The following LSAMP variants were observed in gnomAD, a reference collection of about 807,000 sequenced individuals.
The protein encoded by LSAMP is limbic system associated membrane protein.
Under a neutral mutation model 38.6 loss-of-function variants are expected in LSAMP, and 7 were observed. The observed-to-expected ratio is 0.18, with a 90% confidence interval of 0.10 to 0.34. LSAMP has a LOEUF of 0.34. Among genes scored for constraint, LSAMP ranks in the 10% least tolerant of loss-of-function variants. The pLI is 1.00. For missense variants in LSAMP, 313 were observed against 420.0 expected (o/e 0.75, Z 2.23); for synonymous variants, 154 against 166.8 (o/e 0.92, Z 0.59).
At chr3:116,006,928 G>A (rs1940176260) in intron 3 of LSAMP, among the ~76,000 whole-genome samples, 1 of 152,104 alleles carries the variant, frequency 6.6e-6, no homozygotes, top group Admixed American at 6.5e-5. Flanking sequence ...CTCATCCCCT[G>A]ATCTGGATCT....
At chr3:116,174,273 G>T (rs1156520685) in intron 1 of LSAMP, among the ~76,000 whole-genome samples, 1 of 151,734 alleles carries the variant, frequency 6.6e-6, no homozygotes, top group Non-Finnish European at 1.5e-5. Flanking sequence ...TTTTATGTGA[G>T]CTGATCCCAA....
At chr3:116,164,729 AAT>A (rs1310052106) in intron 1 of LSAMP, among the ~76,000 whole-genome samples, 1 of 115,360 alleles carries the variant, frequency 8.7e-6, no homozygotes, top group Non-Finnish European at 1.7e-5. Flanking sequence ...ATATAATCCA[AAT>A]ATATATATAT....
At chr3:116,356,966 T>C (rs533624359) in intron 1 of LSAMP, among the ~76,000 whole-genome samples, 2 of 152,132 alleles carry the variant, frequency 1.3e-5, no homozygotes, top group African/African-American at 4.8e-5. Context: ...GCTAATTTTT[T>C]GTATTTTTAG....
At chr3:116,287,657 A>G (rs1177665350) in intron 1 of LSAMP, among the ~76,000 whole-genome samples, 1 of 152,206 alleles carries the variant, frequency 6.6e-6, no homozygotes, top group Non-Finnish European at 1.5e-5. Context: ...ATGAAATGTT[A>G]AAATATTCTC....
At chr3:116,211,516 CTATT>C (rs1242818774) in intron 1 of LSAMP, among the ~76,000 whole-genome samples, 2 of 152,128 alleles carry the variant, frequency 1.3e-5, no homozygotes, top group African/African-American at 4.8e-5. Context: ...AACCAAGACT[CTATT>C]AAGCTAATTG....
intron 1 of LSAMP, among the ~76,000 whole-genome samples, chr3:116,425,232 AC>A (rs1247027237): frequency 2.0e-5 from 3 of 152,154 alleles, no homozygotes; most frequent in Admixed American, 6.5e-5. Flanking sequence ...ATTTTCATTG[AC>A]CCTTCATGTT....
chr3:116,295,411 A>C lies in LSAMP; in HGVS notation c.155+149466T>G, dbSNP rs115051478. ...ACTGGCTGGAACTAATCTATTTAAA[A>C]TTTGCTAGCTATAGGAATTTATTTT... is the stretch of plus-strand genomic sequence containing the variant. On this transcript the variant is annotated intron_variant, in intron 1 of 6. Coordinates refer to ENST00000490035, the MANE Select transcript of LSAMP (RefSeq NM_002338.5). Among the ~76,000 whole-genome samples the C allele has an allele frequency of 3.7e-3, 563 of 152,308 alleles. 5 individuals are homozygous for C. Among genetic ancestry groups the C allele is most frequent in the African/African-American group, 0.013 (546 of 41,566 alleles).
At chr3:116,352,011 T>C (rs1401705376) in intron 1 of LSAMP, among the ~76,000 whole-genome samples, 1 of 152,084 alleles carries the variant, frequency 6.6e-6, no homozygotes, top group African/African-American at 2.4e-5. Flanking sequence ...AGTTAACCCT[T>C]CAAATATTGT....
chr3:116,004,522 G>GTA (rs149186725), intron 3 of LSAMP, among the ~76,000 whole-genome samples: 5,121 of 144,976 alleles, frequency 0.035, 106 homozygotes, highest in Non-Finnish European at 0.045. Flanking sequence ...ATATATATGT[G>GTA]TATATATATA....
chr3:115,939,534 T>TTC (rs573116773), intron 3 of LSAMP, among the ~76,000 whole-genome samples: 15 of 59,044 alleles, frequency 2.5e-4, no homozygotes, highest in East Asian at 9.1e-4. Flanking sequence ...CTCTTTCTCT[T>TTC]TCTTTCTTTC....
At chr3:116,270,877 G>A (rs1361285742) in intron 1 of LSAMP, among the ~76,000 whole-genome samples, 5 of 152,096 alleles carry the variant, frequency 3.3e-5, no homozygotes, top group Admixed American at 2.6e-4. Context: ...GTCAGAAAAT[G>A]CAGTTCAGGC....
chr3:116,046,352 T>C (rs1941287320), intron 2 of LSAMP, among the ~76,000 whole-genome samples: 1 of 151,980 alleles, frequency 6.6e-6, no homozygotes, highest in South Asian at 2.1e-4. Flanking sequence ...AAATATGGAC[T>C]AGGGAAGCTG....
At chr3:116,227,947 C>G (rs1283585065) in intron 1 of LSAMP, among the ~76,000 whole-genome samples, 1 of 151,998 alleles carries the variant, frequency 6.6e-6, no homozygotes. Flanking sequence ...TATACAGGGC[C>G]GTAACTATTT....
chr3:116,252,906 C>T (rs2046703103), intron 1 of LSAMP, among the ~76,000 whole-genome samples: 2 of 152,166 alleles, frequency 1.3e-5, no homozygotes, highest in Non-Finnish European at 2.9e-5. Context: ...GACATAAGTA[C>T]TGATCAACAA....
intron 1 of LSAMP, among the ~76,000 whole-genome samples, chr3:116,150,476 T>A (rs1306944205): frequency 6.6e-6 from 1 of 152,048 alleles, no homozygotes; most frequent in Non-Finnish European, 1.5e-5. Flanking sequence ...TTATAATAAA[T>A]GTCTGCTTCA....
chr3:115,959,244 C>G (rs900262360), intron 3 of LSAMP, among the ~76,000 whole-genome samples: 1 of 152,074 alleles, frequency 6.6e-6, no homozygotes, highest in Non-Finnish European at 1.5e-5. Flanking sequence ...TTGTGAGACA[C>G]AGCAGTATCA....
intron 2 of LSAMP, among the ~76,000 whole-genome samples, chr3:116,071,784 G>T (rs1707611546): frequency 6.6e-6 from 1 of 151,988 alleles, no homozygotes; most frequent in Non-Finnish European, 1.5e-5. Context: ...AGTGTGTGTT[G>T]TTCCCCCTCA....
intron 3 of LSAMP, among the ~76,000 whole-genome samples, chr3:115,942,078 AAAAG>A (rs1461725052): frequency 1.3e-5 from 2 of 152,128 alleles, no homozygotes; most frequent in East Asian, 3.8e-4. Flanking sequence ...AAATTTTACT[AAAAG>A]AAATATATTA....
chr3:115,939,376 G>A (rs1331773180), intron 3 of LSAMP, among the ~76,000 whole-genome samples: 1 of 151,954 alleles, frequency 6.6e-6, no homozygotes, highest in Non-Finnish European at 1.5e-5. Context: ...CAGCCTAAAG[G>A]GTAATAGTTT....
Sources: allele counts gnomAD v4.1 joint callset (sites outside exome capture counted in the v4.1 genomes callset), GRCh38; gene constraint gnomAD v4.1.1; transcripts MANE v1.5; gene names NCBI Gene and HGNC (gene_info 2026-07-23, HGNC 2026-07-21).